The following ZNFX1 variants were observed in gnomAD, a reference collection of about 807,000 sequenced individuals.
The protein encoded by ZNFX1 is zinc finger NFX1-type containing 1.
Under a neutral mutation model 179.8 loss-of-function variants are expected in ZNFX1, and 78 were observed. The ratio of observed to expected loss-of-function variants is 0.43; its 90% confidence interval spans 0.36 to 0.52. The LOEUF (loss-of-function observed/expected upper bound fraction) is 0.52. Among genes scored for constraint, ZNFX1 ranks in the 20% least tolerant of loss-of-function variants. The probability of loss-of-function intolerance (pLI) is 0.00; values close to 1 mark genes in which losing one functional copy is unlikely to be tolerated. For missense variants in ZNFX1, 1,927 were observed against 2,386.6 expected (o/e 0.81, Z 4.01); for synonymous variants, 848 against 868.5 (o/e 0.98, Z 0.42).
At chr20:49,276,478 G>A (rs953962684) in intron 1 of ZNFX1, among the ~76,000 whole-genome samples, 4 of 152,200 alleles carry the variant, frequency 2.6e-5, no homozygotes, top group Non-Finnish European at 1.5e-5. Flanking sequence ...GAAATTACAT[G>A]TTTCAATAAC....
chr20:49,256,907 C>G (rs1214815055), intron 8 of ZNFX1, among the ~76,000 whole-genome samples: 1 of 152,146 alleles, frequency 6.6e-6, no homozygotes, highest in Non-Finnish European at 1.5e-5. Flanking sequence ...TAGGCTCCAC[C>G]AAAAGGAGCA....
intron 7 of ZNFX1, 137 bp from the exon 8 acceptor site, chr20:49,257,801 A>C: frequency 7.2e-7 from 1 of 1,394,998 alleles, no homozygotes; most frequent in Non-Finnish European, 9.4e-7. Flanking sequence ...TCCTGGGTTC[A>C]AGTGATTCTC....
In ZNFX1 at chr20:49,270,254, C is replaced by A; in HGVS notation, c.1558G>T (p.Glu520Ter). 1 of 1,614,040 alleles carries A rather than the reference C, an allele frequency of 6.2e-7. No homozygotes were observed. The highest frequency in any genetic ancestry group is 8.5e-7 in the Non-Finnish European group (1 of 1,180,036). Residue 520 changes from glutamate (E) to a stop codon, truncating the protein, a stop_gained, in exon 3 of 14, where the codon GAA (glutamate) becomes TAA (stop). Coordinates refer to ENST00000396105, the MANE Select transcript of ZNFX1 (RefSeq NM_021035.3). LOFTEE classifies it high-confidence loss of function. The surrounding 1 kb of genome is among the most constrained non-coding windows in gnomAD (Gnocchi z 4.6). The part of the protein sequence containing the change: ...AYFEAYRHVL[E>*]GLQEVQEEDV... ...TCCTCCTGGACCTCCTGGAGTCCTT[C>A]CAGGACGTGCCTGTAGGCCTCAAAG... is the stretch of plus-strand genomic sequence containing the variant.
Position 49,266,219 on chromosome 20 carries a change from C to G in ZNFX1, c.1918G>C (p.Glu640Gln), listed in dbSNP as rs769128311. ...TGGAGGCTAATTTGCCAAACAGACTCGTTGGTTAGGAGGGCCTGAACAATT... is the reference window on the plus strand; with the variant it reads ...TGGAGGCTAATTTGCCAAACAGACTGGTTGGTTAGGAGGGCCTGAACAATT... ...LKIVQALLTNESVWQISLQKF... is the reference protein window; with the variant it reads ...LKIVQALLTNQSVWQISLQKF... The change falls in exon 4 of 14, where the codon GAG (glutamate) becomes CAG (glutamine). Residue 640 changes from glutamate to glutamine, a missense_variant. Glu to Gln is a conservative substitution (Grantham distance 29). Transcript: ENST00000396105. 1.2e-6 allele frequency: 2 copies of G among 1,613,100 alleles called. No homozygotes were observed. Among genetic ancestry groups the G allele is most frequent in the Non-Finnish European group, 1.7e-6 (2 of 1,179,616 alleles).
In ZNFX1 at chr20:49,257,434, C is replaced by T; in HGVS notation, c.2647G>A (p.Ala883Thr). The change falls in exon 8 of 14, where the codon GCC becomes ACC. Residue 883 changes from alanine to threonine, a missense_variant. Transcript: ENST00000396105. Reference sequence around the variant, plus strand: ...GAGTTTACCTGCCACTCTCCTGTGGCTTGCTCCTGTCCAGCTGCTGTCCCA... The same window carrying T: ...GAGTTTACCTGCCACTCTCCTGTGGTTTGCTCCTGTCCAGCTGCTGTCCCA... ...GTGTAAGQEQ[A>T]TGEWQTQRNQ... 1 of 1,614,168 alleles carries T rather than the reference C, an allele frequency of 6.2e-7. No homozygotes were observed. Among genetic ancestry groups the T allele is most frequent in the Non-Finnish European group, 8.5e-7 (1 of 1,180,020 alleles).
intron 1 of ZNFX1, among the ~76,000 whole-genome samples, chr20:49,276,387 T>C (rs1981559339): frequency 6.8e-6 from 1 of 147,680 alleles, no homozygotes; most frequent in African/African-American, 2.4e-5. Context: ...TATAAATAAT[T>C]AGTGAGCAGT....
intron 3 of ZNFX1, among the ~76,000 whole-genome samples, chr20:49,269,671 ACT>A (rs1025009744): frequency 5.9e-5 from 9 of 152,038 alleles, no homozygotes; most frequent in African/African-American, 2.2e-4. Context: ...ACAGAGTAAG[ACT>A]CTGTCTCCAA....
intron 5 of ZNFX1, among the ~76,000 whole-genome samples, chr20:49,264,449 TAC>T (rs1308712252): frequency 6.6e-6 from 1 of 152,160 alleles, no homozygotes; most frequent in Non-Finnish European, 1.5e-5. Flanking sequence ...CAGTTGGCTG[TAC>T]ACAGAGGTGC....
In ZNFX1 at chr20:49,255,950, G is replaced by A; in HGVS notation, c.2665-3C>T. On this transcript the variant is annotated splice_region_variant and splice_polypyrimidine_tract_variant and intron_variant, in intron 8 of 13. Coordinates refer to ENST00000396105, the MANE Select transcript of ZNFX1 (RefSeq NM_021035.3). Reference sequence around the variant, plus strand: ...TTCTTTTTCTGGTTGCGCTGGGTCTGCAGACATCAATACCAGGCAGGGTAC... The same window carrying A: ...TTCTTTTTCTGGTTGCGCTGGGTCTACAGACATCAATACCAGGCAGGGTAC... 1 of 1,613,816 alleles carries A rather than the reference G, an allele frequency of 6.2e-7. No homozygotes were observed. The highest frequency in any genetic ancestry group is 8.5e-7 in the Non-Finnish European group (1 of 1,179,920).
chr20:49,270,363 C>A lies in ZNFX1; in HGVS notation c.1449G>T (p.Gln483His). The A allele has an allele frequency of 6.2e-7, 1 of 1,614,216 alleles. No individual in the cohort carries two copies. The highest frequency in any genetic ancestry group is 8.5e-7 in the Non-Finnish European group (1 of 1,180,042). The change falls in exon 3 of 14, where the codon CAG becomes CAT. Residue 483 changes from glutamine to histidine, a missense_variant. Physicochemically the swap from Gln to His is conservative, Grantham distance 24 (BLOSUM62 0). Coordinates refer to ENST00000396105, the MANE Select transcript of ZNFX1 (RefSeq NM_021035.3). This position sits in a 1 kb window ranked among gnomAD's most constrained non-coding sequence, Gnocchi z 4.6. Reference protein sequence around the residue: ...EQEDLCRGIVQLCFNEQSQQL... With the variant: ...EQEDLCRGIVHLCFNEQSQQL... ...GTTGGCTTTGCTCATTGAAGCAGAG[C>A]TGGACAATTCCTCGGCAGAGATCTT... is the stretch of plus-strand genomic sequence containing the variant.
In ZNFX1 at chr20:49,264,713, T is replaced by C; in HGVS notation, c.2151+3A>G. 1.9e-6 allele frequency: 3 copies of C among 1,613,694 alleles called. No homozygotes were observed. The highest frequency in any genetic ancestry group is 2.5e-6 in the Non-Finnish European group (3 of 1,179,976). ...CCCCAGATATTTCAGAGCTGGGACTTACACTCATGTAGGCCCTTCGGAGGT... is the reference window on the plus strand; with the variant it reads ...CCCCAGATATTTCAGAGCTGGGACTCACACTCATGTAGGCCCTTCGGAGGT... On this transcript the variant is annotated splice_donor_region_variant and intron_variant, in intron 5 of 13. Transcript: ENST00000396105.
At chr20:49,258,880 G>A (rs984119094) in intron 7 of ZNFX1, among the ~76,000 whole-genome samples, 3 of 152,046 alleles carry the variant, frequency 2.0e-5, no homozygotes, top group Non-Finnish European at 2.9e-5. Context: ...GAGGTGGGCA[G>A]ATCACCTGAG....
Position 49,249,092 on chromosome 20 carries a change from G to A in ZNFX1, c.3932C>T (p.Ser1311Phe). 6 of 1,614,236 alleles carry A rather than the reference G, an allele frequency of 3.7e-6. No individual in the cohort carries two copies. The highest frequency in any genetic ancestry group is 4.2e-6 in the Non-Finnish European group (5 of 1,180,044). Residue 1311 changes from serine to phenylalanine, a missense_variant, in exon 14 of 14, where the codon TCT becomes TTT. Coordinates refer to ENST00000396105, the MANE Select transcript of ZNFX1 (RefSeq NM_021035.3). ...VCTRACHPYD[S>F]SHKEFQCMKP... ...CATGCATTGGAACTCCTTGTGTGAA[G>A]AGTCATAAGGGTGGCAGGCACGGGT... is the stretch of plus-strand genomic sequence containing the variant.
intron 10 of ZNFX1, among the ~76,000 whole-genome samples, chr20:49,254,127 A>G (rs1474839591): frequency 6.6e-6 from 1 of 151,950 alleles, no homozygotes; most frequent in African/African-American, 2.4e-5. Context: ...CCCAGGTTCA[A>G]GTGATTCTTG....
At position 49,270,231 on chromosome 20, in the gene ZNFX1, C is replaced by T. The variant is rs986211430; in HGVS notation, c.1581G>A (p.Glu527=). The change falls in exon 3 of 14, where the codon GAG becomes GAA. Residue 527 remains glutamate, a synonymous_variant. Coordinates refer to ENST00000396105, the MANE Select transcript of ZNFX1 (RefSeq NM_021035.3). This position sits in a 1 kb window ranked among gnomAD's most constrained non-coding sequence, Gnocchi z 4.6. ...HVLEGLQEVQ[E]EDVPFQRNIV... is the part of the protein sequence containing the mutation. ...TATTCCTCTGGAAGGGAACATCTTC[C>T]TCCTGGACCTCCTGGAGTCCTTCCA... 1.9e-6 allele frequency: 3 copies of T among 1,613,906 alleles called. No individual in the cohort carries two copies. Among genetic ancestry groups the T allele is most frequent in the Non-Finnish European group, 2.5e-6 (3 of 1,180,040 alleles).
chr20:49,269,885 C>T (rs192264916), intron 3 of ZNFX1, 57 bp downstream of exon 3: 11 of 1,512,698 alleles, frequency 7.3e-6, no homozygotes, highest in African/African-American at 5.6e-5. Context: ...GTGAAGGCTC[C>T]GTCCCTTGCT....
intron 4 of ZNFX1, among the ~76,000 whole-genome samples, chr20:49,265,685 C>T (rs1330725438): frequency 6.6e-6 from 1 of 152,060 alleles, no homozygotes. Flanking sequence ...GACCAATCCT[C>T]ATCTAGGGTA....
chr20:49,248,229 C>T lies in ZNFX1; in HGVS notation c.4795G>A (p.Ala1599Thr). The T allele has an allele frequency of 6.2e-7, 1 of 1,614,164 alleles. No homozygotes were observed. The highest frequency in any genetic ancestry group is 8.5e-7 in the Non-Finnish European group (1 of 1,180,030). Residue 1599 changes from alanine (A) to threonine (T), a missense_variant, in exon 14 of 14, where the codon GCC becomes ACC. By Grantham distance (58) the Ala-to-Thr change is moderately conservative. Coordinates refer to ENST00000396105, the MANE Select transcript of ZNFX1 (RefSeq NM_021035.3). This position sits in a 1 kb window ranked among gnomAD's most constrained non-coding sequence, Gnocchi z 4.6. ...EDCSHIFEVQ[A>T]LDRYMNEQKD... ...TGTTCATTCATGTAGCGGTCTAGGG[C>T]TTGCACCTCAAAGATGTGGCTGCAG...
chr20:49,257,994 G>A (rs1041672773), intron 7 of ZNFX1, among the ~76,000 whole-genome samples: 14 of 151,842 alleles, frequency 9.2e-5, no homozygotes, highest in Non-Finnish European at 1.9e-4. Flanking sequence ...TTACAGGCGT[G>A]AGCCACCGTG....
Sources: allele counts gnomAD v4.1 joint callset (sites outside exome capture counted in the v4.1 genomes callset), GRCh38; gene constraint gnomAD v4.1.1; non-coding constraint Gnocchi (gnomAD v3.1); transcripts MANE v1.5; gene names NCBI Gene and HGNC (gene_info 2026-07-23, HGNC 2026-07-21).